Variants in ASIC2 observed in about 807,000 individuals in gnomAD.
ASIC2 encodes acid-sensing ion channel 2.
In ASIC2, 25 loss-of-function variants were observed where a neutral mutation model predicts 57.3. That is an observed-to-expected ratio of 0.44 (90% CI 0.32 to 0.61). The LOEUF (loss-of-function observed/expected upper bound fraction) is 0.61. ASIC2 is among the 20% of genes least tolerant of loss of function. ASIC2 has a pLI of 0.06. For synonymous variants in ASIC2, 319 were observed against 307.5 expected, an observed-to-expected ratio of 1.04 and a Z score of -0.39; for missense variants, 641 against 738.1, an observed-to-expected ratio of 0.87 and a Z score of 1.52.
chr17:34,130,270 A>G (rs1271798637), intron 1 of ASIC2, among the ~76,000 whole-genome samples: 1 of 150,924 alleles, frequency 6.6e-6, no homozygotes, highest in African/African-American at 2.4e-5. Flanking sequence ...TACCCTGTGC[A>G]GGCTCCAAAG....
At chr17:33,517,079 C>T (rs1282190236) in intron 1 of ASIC2, among the ~76,000 whole-genome samples, 1 of 152,208 alleles carries the variant, frequency 6.6e-6, no homozygotes, top group East Asian at 1.9e-4. Context: ...GTTCTCAAAC[C>T]CTCATAACCT....
chr17:33,242,125 T>G (rs1435106600), intron 1 of ASIC2, among the ~76,000 whole-genome samples: 1 of 152,084 alleles, frequency 6.6e-6, no homozygotes, highest in African/African-American at 2.4e-5. Context: ...GAGACCATCC[T>G]GGCTAACACG....
At chr17:33,066,137 A>C (rs562095153) in intron 3 of ASIC2, among the ~76,000 whole-genome samples, 1 of 152,160 alleles carries the variant, frequency 6.6e-6, no homozygotes, top group Non-Finnish European at 1.5e-5. Flanking sequence ...TCCCCGTGGC[A>C]GCTGATGTCT....
chr17:33,219,384 A>G (rs1000037023), intron 1 of ASIC2, among the ~76,000 whole-genome samples: 2 of 152,220 alleles, frequency 1.3e-5, no homozygotes, highest in Non-Finnish European at 2.9e-5. Flanking sequence ...CTTAATGCCT[A>G]TGAGGTAATA....
At chr17:33,344,713 C>T (rs930081468) in intron 1 of ASIC2, among the ~76,000 whole-genome samples, 2 of 152,100 alleles carry the variant, frequency 1.3e-5, no homozygotes, top group African/African-American at 4.8e-5. Context: ...TCCCACTTAA[C>T]CCTGCTCACA....
intron 1 of ASIC2, among the ~76,000 whole-genome samples, chr17:33,367,403 C>T (rs1318515169): frequency 6.6e-6 from 1 of 152,224 alleles, no homozygotes; most frequent in Non-Finnish European, 1.5e-5. Context: ...CCTTGAAGTA[C>T]TCCTAATTTG....
chr17:34,000,428 T>A (rs536422817), intron 1 of ASIC2, among the ~76,000 whole-genome samples: 1 of 152,196 alleles, frequency 6.6e-6, no homozygotes, highest in South Asian at 2.1e-4. Flanking sequence ...TAATTTTGTA[T>A]TTTTAGTAGA....
At chr17:33,864,833 G>C (rs1914190684) in intron 1 of ASIC2, among the ~76,000 whole-genome samples, 1 of 152,198 alleles carries the variant, frequency 6.6e-6, no homozygotes, top group South Asian at 2.1e-4. Context: ...ACACCTAAGA[G>C]AGGAAAATGA....
chr17:33,501,942 C>T (rs889355766), intron 1 of ASIC2, among the ~76,000 whole-genome samples: 4 of 152,172 alleles, frequency 2.6e-5, no homozygotes, highest in African/African-American at 9.7e-5. Context: ...GGGCCAGTGG[C>T]AAGAAAATCA....
At position 33,583,141 on chromosome 17, in the gene ASIC2, G is replaced by C. The variant is rs534170561; in HGVS notation, c.556-471074C>G. On this transcript the variant is annotated intron_variant, in intron 1 of 9. Transcript: ENST00000359872. ...TCTTTTCTCATTGATTAGCTGAGCA[G>C]GGGGAGAGGAAGCTATTAGTTTTAT... 5.3e-5 allele frequency among the ~76,000 whole-genome samples: 8 copies of C among 152,338 alleles called. No individual in the cohort carries two copies. The South Asian group carries it at 1.7e-3, about 32-fold the overall frequency.
intron 1 of ASIC2, among the ~76,000 whole-genome samples, chr17:33,389,052 C>T (rs1909797256): frequency 6.6e-6 from 1 of 152,210 alleles, no homozygotes; most frequent in Non-Finnish European, 1.5e-5. Context: ...CTCTGCCTCC[C>T]AGGTTCAAGC....
chr17:33,342,564 C>A (rs376874088), intron 1 of ASIC2, among the ~76,000 whole-genome samples: 16 of 152,120 alleles, frequency 1.1e-4, no homozygotes, highest in African/African-American at 3.4e-4. Flanking sequence ...CTGACCATTC[C>A]TGGGGGAATC....
intron 1 of ASIC2, among the ~76,000 whole-genome samples, chr17:33,284,192 C>T (rs1325264568): frequency 6.6e-6 from 1 of 152,162 alleles, no homozygotes; most frequent in Non-Finnish European, 1.5e-5. Flanking sequence ...TTCCTGAGTA[C>T]GTTAGCAGCC....
rs115098882 is a variant in ASIC2, at chr17:33,702,773, A to G, written c.555+453205T>C. 3.0e-3 allele frequency among the ~76,000 whole-genome samples: 450 copies of G among 152,322 alleles called. 3 individuals carry two copies. Among genetic ancestry groups the G allele is most frequent in the African/African-American group, 0.01 (432 of 41,572 alleles). ...CTACTCAATCAATGAGGTTAGCTAT[A>G]TAAGTGTCATATGTTGCCTCCCCTG... On this transcript the variant is annotated intron_variant, in intron 1 of 9. Coordinates refer to the ASIC2 transcript ENST00000359872.
At chr17:33,290,414 C>T (rs1905371923) in intron 1 of ASIC2, among the ~76,000 whole-genome samples, 1 of 152,238 alleles carries the variant, frequency 6.6e-6, no homozygotes, top group Admixed American at 6.5e-5. Flanking sequence ...ACCTAAGGGA[C>T]ATTTACACAC....
intron 1 of ASIC2, among the ~76,000 whole-genome samples, chr17:33,934,577 C>T (rs1032392197): frequency 2.6e-5 from 4 of 152,154 alleles, no homozygotes; most frequent in East Asian, 1.9e-4. Flanking sequence ...TGACACACCC[C>T]GTGGGATGCA....
At chr17:33,967,528 C>A (rs1012714838) in intron 1 of ASIC2, among the ~76,000 whole-genome samples, 4 of 152,210 alleles carry the variant, frequency 2.6e-5, no homozygotes, top group African/African-American at 4.8e-5. Flanking sequence ...AGCCATCACG[C>A]CTGGCCTGAT....
intron 1 of ASIC2, among the ~76,000 whole-genome samples, chr17:33,316,954 C>T (rs894936942): frequency 6.6e-6 from 1 of 152,340 alleles, no homozygotes; most frequent in African/African-American, 2.4e-5. Context: ...CAGCACTGGT[C>T]TGCCTTTAAT....
intron 1 of ASIC2, among the ~76,000 whole-genome samples, chr17:33,443,277 G>A (rs927808054): frequency 1.3e-5 from 2 of 152,092 alleles, no homozygotes; most frequent in Admixed American, 6.6e-5. Flanking sequence ...ATAGGAGTTG[G>A]GAAGTATCCT....
Sources: gnomAD v4.1 joint callset for allele counts (sites outside exome capture counted in the v4.1 genomes callset) on GRCh38, gnomAD v4.1.1 for gene constraint, MANE v1.5 for transcripts, NCBI Gene and HGNC (gene_info 2026-07-23, HGNC 2026-07-21) for gene names.